Variants in IFNAR2 observed in about 807,000 individuals in gnomAD.
IFNAR2 encodes interferon alpha and beta receptor subunit 2.
Under a neutral mutation model 49.4 loss-of-function variants are expected in IFNAR2, and 30 were observed. The ratio of observed to expected loss-of-function variants is 0.61; its 90% CI spans 0.45 to 0.82. The LOEUF is 0.82. Ranked by LOEUF, IFNAR2 falls within the 40% of genes least tolerant of loss-of-function variation. IFNAR2 has a pLI of 0.00. For synonymous variants in IFNAR2, 224 were observed against 234.5 expected (o/e 0.96, Z 0.41); for missense variants, 600 against 622.7 (o/e 0.96, Z 0.39).
intron 7 of IFNAR2, among the ~76,000 whole-genome samples, chr21:33,259,016 A>G (rs762201284): frequency 6.6e-6 from 1 of 152,172 alleles, no homozygotes; most frequent in Non-Finnish European, 1.5e-5. Context: ...GACTGATGTT[A>G]GTCATCGCCA....
chr21:33,252,521 G>C (rs181636605), intron 6 of IFNAR2, 141 bp from the exon 7 acceptor site: 33 of 1,442,120 alleles, frequency 2.3e-5, no homozygotes, highest in Admixed American at 1.5e-4. Context: ...ACTTGCTCCA[G>C]ATGACTTATA....
rs772583115 is a variant in IFNAR2, at chr21:33,245,050, A to C, written c.197A>C (p.Tyr66Ser). 10 of 1,610,492 alleles carry C rather than the reference A, an allele frequency of 6.2e-6. No individual in the cohort carries two copies. The highest frequency in any genetic ancestry group is 8.5e-6 in the Non-Finnish European group (10 of 1,176,678). The change falls in exon 4 of 9, where the codon TAT becomes TCT. Residue 66 changes from tyrosine (Y) to serine (S), a missense_variant. Physicochemically the swap from Tyr to Ser is moderately radical, Grantham distance 144 (BLOSUM62 -2). Transcript: ENST00000342136. ...LKNHSIVPTH[Y>S]TLLYTIMSKP... ...AACCACTCCATTGTACCAACTCACT[A>C]TACATTGCTGTATACAATCATGAGG... is the stretch of plus-strand genomic sequence containing the variant.
intron 7 of IFNAR2, among the ~76,000 whole-genome samples, chr21:33,253,671 G>A (rs1477821632): frequency 2.6e-5 from 4 of 152,180 alleles, no homozygotes; most frequent in Non-Finnish European, 5.9e-5. Context: ...GAGCAGCCCC[G>A]AGGGCTGCTG....
At chr21:33,251,866 T>A (rs1326925751) in intron 6 of IFNAR2, 2 of 675,690 alleles carry the variant, frequency 3.0e-6, no homozygotes, top group Non-Finnish European at 3.7e-6. Context: ...GCAGATCGCT[T>A]GCGGTCAGGA....
chr21:33,232,564 T>A (rs893678601), intron 1 of IFNAR2, among the ~76,000 whole-genome samples: 1 of 151,724 alleles, frequency 6.6e-6, no homozygotes, highest in Non-Finnish European at 1.5e-5. Context: ...TAAAAAAAAA[T>A]TTAAAATTTA....
chr21:33,239,128 A>C (rs1486950282), intron 1 of IFNAR2, among the ~76,000 whole-genome samples: 2 of 152,144 alleles, frequency 1.3e-5, no homozygotes, highest in African/African-American at 4.8e-5. Flanking sequence ...TTTCATTGCC[A>C]GGTCTCTTCT....
chr21:33,260,240 G>T (rs1988474103), intron 7 of IFNAR2, among the ~76,000 whole-genome samples: 1 of 152,186 alleles, frequency 6.6e-6, no homozygotes, highest in Non-Finnish European at 1.5e-5. Context: ...GCTAACCAGT[G>T]TGGCTACCGA....
chr21:33,250,757 T>C (rs1987782264), intron 6 of IFNAR2, among the ~76,000 whole-genome samples: 1 of 152,176 alleles, frequency 6.6e-6, no homozygotes, highest in African/African-American at 2.4e-5. Flanking sequence ...CAGGCTGGTG[T>C]TGAACTCCTG....
chr21:33,236,696 C>T lies in IFNAR2; in HGVS notation c.-83-5144C>T, dbSNP rs1179426072. Reference sequence around the variant, plus strand: ...GGGCCTGGGATTCCTCTGCTGGGAGCCTAAACTGCAGGAGATGGGGAAGGA... The same window carrying T: ...GGGCCTGGGATTCCTCTGCTGGGAGTCTAAACTGCAGGAGATGGGGAAGGA... On this transcript the variant is annotated intron_variant, in intron 1 of 8. Transcript: ENST00000342136. 11 of 985,258 alleles carry T rather than the reference C, an allele frequency of 1.1e-5. No homozygotes were observed. In the African/African-American group the frequency reaches 1.6e-4, roughly 14 times the overall value. 61.0% of individuals were successfully genotyped at this position (985,258 alleles called of 1,614,324 possible).
At chr21:33,250,242 CA>C (rs1391600260) in intron 6 of IFNAR2, among the ~76,000 whole-genome samples, 1 of 152,086 alleles carries the variant, frequency 6.6e-6, no homozygotes, top group Non-Finnish European at 1.5e-5. Flanking sequence ...TGTGGAGTGT[CA>C]TTAAATCTGT....
rs1985915927 is a variant in IFNAR2, at chr21:33,230,059, C to G, written c.-241C>G. On this transcript the variant is annotated 5_prime_UTR_variant, in exon 1 of 9. Transcript: ENST00000342136. This position sits in a 1 kb window ranked among gnomAD's most constrained non-coding sequence, Gnocchi z 5.5. ...CCCGAGCGCAGCCCGCGGACCACCACCCGGCCGCACGGGCCGCTTTTGTCC... is the reference window on the plus strand; with the variant it reads ...CCCGAGCGCAGCCCGCGGACCACCAGCCGGCCGCACGGGCCGCTTTTGTCC... The G allele has an allele frequency of 3.0e-6, 3 of 986,862 alleles. No individual in the cohort carries two copies. The allele number at this position is 986,862 out of a possible 1,614,324, so 61.1% of individuals were successfully genotyped here.
intron 2 of IFNAR2, among the ~76,000 whole-genome samples, chr21:33,242,982 T>G (rs1987097374): frequency 6.7e-6 from 1 of 149,948 alleles, no homozygotes; most frequent in African/African-American, 2.5e-5. Flanking sequence ...AGAGACAAGG[T>G]TTCACCATGT....
intron 7 of IFNAR2, among the ~76,000 whole-genome samples, chr21:33,260,130 A>C (rs1037560289): frequency 6.6e-6 from 1 of 152,220 alleles, no homozygotes; most frequent in Non-Finnish European, 1.5e-5. Flanking sequence ...CAGAGCCCTG[A>C]CTTGTGGCCC....
At chr21:33,243,816 A>C (rs2123474946) in intron 3 of IFNAR2, 102 bp downstream of exon 3, 1 of 868,310 alleles carries the variant, frequency 1.2e-6, no homozygotes, top group Non-Finnish European at 2.0e-6. Context: ...TTCTGATTGT[A>C]CATCTGTTGC....
In IFNAR2 at chr21:33,246,731, T is replaced by A; in HGVS notation, c.235T>A (p.Leu79Met). The A allele has an allele frequency of 3.7e-6, 6 of 1,609,064 alleles. No individual in the cohort carries two copies. The highest frequency in any genetic ancestry group is 1.3e-5 in the African/African-American group (1 of 74,760). ...LYTIMSKPEDLKVVKNCANTT... is the reference protein window; with the variant it reads ...LYTIMSKPEDMKVVKNCANTT... ...TTCTTTCCAAAGTAAACCAGAAGAT[T>A]TGAAGGTGGTTAAGAACTGTGCAAA... The change falls in exon 5 of 9, where the codon TTG (leucine) becomes ATG (methionine). Residue 79 changes from leucine to methionine, a missense_variant. Transcript: ENST00000342136.
At chr21:33,262,510 A>G (rs1601820447) in intron 8 of IFNAR2, 1 of 683,486 alleles carries the variant, frequency 1.5e-6, no homozygotes, top group Non-Finnish European at 2.7e-6. Context: ...TGTCATCATC[A>G]TCAACTGCAT....
chr21:33,247,140 A>G (rs2073361), intron 5 of IFNAR2, among the ~76,000 whole-genome samples: 101,119 of 151,864 alleles, frequency 0.67, 34,063 homozygotes, highest in African/African-American at 0.74. Flanking sequence ...GGCAGTAGGA[A>G]CTGCTGTTTT....
At position 33,230,816 on chromosome 21, in the gene IFNAR2, C is replaced by T. The variant is rs117258653; in HGVS notation, c.-84+600C>T. Among the ~76,000 whole-genome samples the T allele has an allele frequency of 6.6e-6, 1 of 152,220 alleles. No homozygotes were observed. The highest frequency in any genetic ancestry group is 1.9e-4 in the East Asian group (1 of 5,174). ...TGGCCGCGGAGACAGAAGGGTGCAC[C>T]CTCCCAGGGTCGGAGAGGGGAGATA... On this transcript the variant is annotated intron_variant, in intron 1 of 8. Transcript: ENST00000342136. The surrounding 1 kb of genome is among the most constrained non-coding windows in gnomAD (Gnocchi z 5.5).
intron 5 of IFNAR2, among the ~76,000 whole-genome samples, chr21:33,248,072 G>A (rs1987572056): frequency 6.6e-6 from 1 of 152,146 alleles, no homozygotes; most frequent in East Asian, 1.9e-4. Flanking sequence ...TGATAAATAT[G>A]AAAAATACAT....
Sources: gnomAD v4.1 joint callset for allele counts (sites outside exome capture counted in the v4.1 genomes callset) on GRCh38, gnomAD v4.1.1 for gene constraint, Gnocchi (gnomAD v3.1) non-coding constraint, MANE v1.5 for transcripts, NCBI Gene and HGNC (gene_info 2026-07-23, HGNC 2026-07-21) for gene names.